The following CLCNKA variants were observed in gnomAD, a reference collection of about 807,000 sequenced individuals.
CLCNKA encodes chloride channel protein ClC-Ka.
In CLCNKA, 66 loss-of-function variants were observed where a neutral mutation model predicts 83.3. The ratio of observed to expected loss-of-function variants is 0.79; its 90% CI spans 0.65 to 0.97. The LOEUF (loss-of-function observed/expected upper bound fraction) is 0.97, where lower values mean the gene tolerates loss of function less well. Ranked by LOEUF, CLCNKA falls within the 50% of genes least tolerant of loss-of-function variation. The pLI, the probability that CLCNKA is intolerant of heterozygous loss-of-function variation, is 0.00. For missense variants in CLCNKA, 806 were observed against 888.7 expected (o/e 0.91, Z 1.18); for synonymous variants, 357 against 370.4 (o/e 0.96, Z 0.42).
rs375033671 is a variant in CLCNKA, at chr1:16,033,226, C to G, written c.1986C>G (p.Gly662=). 9.3e-6 allele frequency: 15 copies of G among 1,614,138 alleles called. No homozygotes were observed. The highest frequency in any genetic ancestry group is 1.2e-5 in the Non-Finnish European group (14 of 1,180,026). The part of the protein sequence containing the change: ...NLQSLFVTSR[G]RAVGCVSWVE... ...AGTCCCTCTTCGTGACATCGCGGGG[C>G]AGAGCTGTGGGCTGCGTGTCCTGGG... The change falls in exon 19 of 20, where the codon GGC becomes GGG. Residue 662 remains glycine (G), a synonymous_variant. Transcript: ENST00000331433.
chr1:16,024,739 T>C, intron 3 of CLCNKA, 24 bp from the exon 4 acceptor site: 1 of 1,613,582 alleles, frequency 6.2e-7, no homozygotes, highest in Non-Finnish European at 8.5e-7. Context: ...TGTGGGTGCC[T>C]CCCTGATACG....
At chr1:16,028,147 A>T in intron 10 of CLCNKA, 28 bp downstream of exon 10, 1 of 1,599,688 alleles carries the variant, frequency 6.3e-7, no homozygotes, top group Non-Finnish European at 8.6e-7. Context: ...GGCTGGGGAC[A>T]TCTCAGTGAG....
intron 15 of CLCNKA, among the ~76,000 whole-genome samples, chr1:16,031,140 G>T (rs1042015713): frequency 6.6e-6 from 1 of 152,198 alleles, no homozygotes; most frequent in Non-Finnish European, 1.5e-5. Context: ...AGCTTCTGGC[G>T]CCAGAAAAGC....
chr1:16,024,010 A>C, intron 3 of CLCNKA, 82 bp downstream of exon 3: 4 of 1,560,494 alleles, frequency 2.6e-6, no homozygotes, highest in Non-Finnish European at 3.5e-6. Context: ...CACCAAGTGC[A>C]GCGGTGCAGG....
rs1427791975 is a variant in CLCNKA at position 16,033,164 on chromosome 1, AT to A, written c.1930-5del. On this transcript the variant is annotated splice_region_variant and splice_polypyrimidine_tract_variant and intron_variant, in intron 18 of 19. Transcript: ENST00000331433. ...CTCCAGTGTTTCCTAACAATCCCCC[AT>A]CCAGGCACAAAACCTCTTTAAGCTG... is the stretch of plus-strand genomic sequence containing the variant. The A allele has an allele frequency of 6.2e-7, 1 of 1,613,832 alleles. No individual in the cohort carries two copies. The highest frequency in any genetic ancestry group is 1.3e-5 in the African/African-American group (1 of 74,914).
In CLCNKA at chr1:16,029,218, C is replaced by T. The variant is rs150078773; in HGVS notation, c.1146C>T (p.Leu382=). Residue 382 remains leucine (L), a synonymous_variant, in exon 12 of 20, where the codon CTC becomes CTT. Coordinates refer to ENST00000331433, the MANE Select transcript of CLCNKA (RefSeq NM_004070.4). ...CCAGCCCACCCTGGCCCGAGGAGCT[C>T]GACCCCCAGCACCTTTGGTGGGAAT... ...QNSSPPWPEE[L]DPQHLWWEWY... 419 of 1,613,698 alleles carry T rather than the reference C, an allele frequency of 2.6e-4. 6 individuals carry two copies. The South Asian group carries it at 4.0e-3, about 15-fold the overall frequency.
At position 16,029,131 on chromosome 1, in the gene CLCNKA, C is replaced by G; in HGVS notation, c.1059C>G (p.Ser353=). 1 of 1,611,348 alleles carries G rather than the reference C, an allele frequency of 6.2e-7. No homozygotes were observed. The highest frequency in any genetic ancestry group is 1.1e-5 in the South Asian group (1 of 91,008). The change falls in exon 12 of 20, where the codon TCC becomes TCG. Residue 353 remains serine (S), a synonymous_variant. Coordinates refer to ENST00000331433, the MANE Select transcript of CLCNKA (RefSeq NM_004070.4). ...GVGHFLASRL[S]MKQHLDSLFD... is the part of the protein sequence containing the mutation. ...TCCCACCTGCCCCGCCACAGCTGTCCATGAAGCAGCATCTGGACTCGCTGT... is the reference window on the plus strand; with the variant it reads ...TCCCACCTGCCCCGCCACAGCTGTCGATGAAGCAGCATCTGGACTCGCTGT...
chr1:16,032,658 C>T lies in CLCNKA; in HGVS notation c.1929+132C>T. ...ATCCTGCTTCCTGCTCCTCCTGGGC[C>T]TGGACAGGGCAGCTCCTGCCGTCGC... On this transcript the variant is annotated intron_variant, in intron 18 of 19. Transcript: ENST00000331433. 5.4e-6 allele frequency: 4 copies of T among 744,648 alleles called. No homozygotes were observed. The South Asian group carries it at 6.3e-5, about 12-fold the overall frequency. 46.1% of individuals were successfully genotyped at this position (744,648 alleles called of 1,614,324 possible). A position where few individuals can be genotyped will look rare whatever the true frequency, so the allele number is the denominator to read the frequency against.
intron 4 of CLCNKA, among the ~76,000 whole-genome samples, chr1:16,025,821 C>G (rs2022323764): frequency 6.6e-6 from 1 of 152,194 alleles, no homozygotes; most frequent in South Asian, 2.1e-4. Flanking sequence ...ATGGCACAAT[C>G]TTGGCTCACT....
intron 13 of CLCNKA, 41 bp from the exon 14 acceptor site, chr1:16,029,924 C>T (rs557390537): frequency 4.4e-6 from 7 of 1,599,156 alleles, no homozygotes; most frequent in African/African-American, 1.3e-5. Flanking sequence ...CTGTGGGGGC[C>T]GGGTCAGCCT....
Position 16,022,615 on chromosome 1 carries a change from G to C in CLCNKA, c.-5G>C, listed in dbSNP as rs145184883. ...CTTCCCTCCATCTGCTTCTCCAGGG[G>C]CCTGATGGAGGAGTTGGTGGGGCTG... On this transcript the variant is annotated splice_region_variant and 5_prime_UTR_variant, in exon 2 of 20. Coordinates refer to ENST00000331433, the MANE Select transcript of CLCNKA (RefSeq NM_004070.4). 1 of 1,559,778 alleles carries C rather than the reference G, an allele frequency of 6.4e-7. No homozygotes were observed. The highest frequency in any genetic ancestry group is 1.2e-5 in the South Asian group (1 of 84,218).
rs778414863 is a variant in CLCNKA, at chr1:16,024,895, A to C, written c.358+4A>C. On this transcript the variant is annotated splice_donor_region_variant and intron_variant, in intron 4 of 19. Coordinates refer to ENST00000331433, the MANE Select transcript of CLCNKA (RefSeq NM_004070.4). ...AGCATCACGCCCTCCTCTGGAGGTG[A>C]GTCCACGGTCGCCATGCCAGTCCCC... The C allele has an allele frequency of 6.2e-7, 1 of 1,614,022 alleles. No homozygotes were observed. The highest frequency in any genetic ancestry group is 1.1e-5 in the South Asian group (1 of 91,072).
Position 16,032,280 on chromosome 1 carries a change from C to G in CLCNKA, c.1834C>G (p.Pro612Ala), listed in dbSNP as rs200673997. ...CCAGGCTGAGCCTCCTTCCAGGGCT[C>G]CAGGACACCAGGTGGTTACTCCTGA... ...ALQAEPPSRAPGHQQCLQDIL... is the reference protein window; with the variant it reads ...ALQAEPPSRAAGHQQCLQDIL... Residue 612 changes from proline (P) to alanine (A), a missense_variant, in exon 17 of 20, where the codon CCA becomes GCA. Coordinates refer to ENST00000331433, the MANE Select transcript of CLCNKA (RefSeq NM_004070.4). The G allele has an allele frequency of 4.5e-5, 72 of 1,611,564 alleles. No individual in the cohort carries two copies. Among genetic ancestry groups the G allele is most frequent in the Non-Finnish European group, 5.7e-5 (67 of 1,179,212 alleles).
At chr1:16,028,371 G>A (rs1312594452) in intron 10 of CLCNKA, among the ~76,000 whole-genome samples, 1 of 148,550 alleles carries the variant, frequency 6.7e-6, no homozygotes, top group Non-Finnish European at 1.5e-5. Context: ...CCCTCACTGA[G>A]CCTCAAACCC....
chr1:16,028,212 A>T (rs2124040401), intron 10 of CLCNKA, 93 bp downstream of exon 10: 1 of 1,208,574 alleles, frequency 8.3e-7, no homozygotes, highest in Non-Finnish European at 1.2e-6. Context: ...CCTCCCACTG[A>T]GCCCCTAAAT....
intron 12 of CLCNKA, 76 bp from the exon 13 acceptor site, chr1:16,029,655 C>T: frequency 4.5e-6 from 7 of 1,549,564 alleles, no homozygotes; most frequent in African/African-American, 1.4e-5. Context: ...ACTCCCCTGT[C>T]CCCTGTCCTG....
At chr1:16,022,478 CCT>C (rs751513458) in intron 1 of CLCNKA, 133 bp from the exon 2 acceptor site, 1 of 626,694 alleles carries the variant, frequency 1.6e-6, no homozygotes, top group Non-Finnish European at 2.8e-6. Context: ...CACACACAGA[CCT>C]AGTGTGATAA....
chr1:16,032,334 C>T, intron 17 of CLCNKA, 43 bp downstream of exon 17: 1 of 1,425,682 alleles, frequency 7.0e-7, no homozygotes, highest in Non-Finnish European at 9.9e-7. Context: ...GGGGGTGGGT[C>T]AGCAGGGATG....
At position 16,033,155 on chromosome 1, in the gene CLCNKA, C is replaced by A; in HGVS notation, c.1930-15C>A. On this transcript the variant is annotated splice_polypyrimidine_tract_variant and intron_variant, in intron 18 of 19. Transcript: ENST00000331433. ...CCATCTACCCTCCAGTGTTTCCTAACAATCCCCCATCCAGGCACAAAACCT... is the reference window on the plus strand; with the variant it reads ...CCATCTACCCTCCAGTGTTTCCTAAAAATCCCCCATCCAGGCACAAAACCT... 6.2e-7 allele frequency: 1 copy of A among 1,613,654 alleles called. No homozygotes were observed. The highest frequency in any genetic ancestry group is 8.5e-7 in the Non-Finnish European group (1 of 1,179,572).
Sources: gnomAD v4.1 joint callset for allele counts (sites outside exome capture counted in the v4.1 genomes callset) on GRCh38, gnomAD v4.1.1 for gene constraint, MANE v1.5 for transcripts, NCBI Gene and HGNC (gene_info 2026-07-23, HGNC 2026-07-21) for gene names.